SLX4: variants seen among roughly 807,000 people sequenced by gnomAD.
SLX4 encodes SLX4 structure-specific endonuclease subunit, also known as structure-specific endonuclease subunit SLX4.
A neutral mutation model predicts 146.2 loss-of-function variants in SLX4; 112 were observed. That is an observed-to-expected ratio of 0.77 (90% CI 0.66 to 0.90). The LOEUF is 0.90. Among genes scored for constraint, SLX4 ranks in the 40% least tolerant of loss-of-function variants. The pLI, the probability that SLX4 is intolerant of heterozygous loss-of-function variation, is 0.00. For missense variants in SLX4, 2,563 were observed against 2,392.7 expected (o/e 1.07, Z -1.49); for synonymous variants, 1,061 against 997.7 (o/e 1.06, Z -1.20).
In SLX4 at chr16:3,592,881, AAC is replaced by A; in HGVS notation, c.2161-18_2161-17del. On this transcript the variant is annotated splice_polypyrimidine_tract_variant and intron_variant, in intron 10 of 14. Coordinates refer to ENST00000294008, the MANE Select transcript of SLX4 (RefSeq NM_032444.4). ...CATTGTTCACCTGCAGGTGAAATGCAACACAGAGGGTTTACTGATCAGAGAGT... is the reference window on the plus strand; with the variant it reads ...CATTGTTCACCTGCAGGTGAAATGCAACAGAGGGTTTACTGATCAGAGAGT... The A allele has an allele frequency of 6.2e-7, 1 of 1,606,596 alleles. No individual in the cohort carries two copies. Among genetic ancestry groups the A allele is most frequent in the South Asian group, 1.1e-5 (1 of 90,642 alleles).
At chr16:3,592,620 C>G in intron 11 of SLX4, 79 bp downstream of exon 11, 1 of 1,522,832 alleles carries the variant, frequency 6.6e-7, no homozygotes, top group Non-Finnish European at 8.9e-7. Flanking sequence ...GCCCCGAGCC[C>G]TCTGCAGCAC....
rs769249886 is a variant in SLX4 at position 3,589,214 on chromosome 16, G to A, written c.4424C>T (p.Thr1475Ile). The change falls in exon 12 of 15, where the codon ACC becomes ATC. Residue 1475 changes from threonine (T) to isoleucine (I), a missense_variant. By Grantham distance (89) the Thr-to-Ile change is moderately conservative. Coordinates refer to ENST00000294008, the MANE Select transcript of SLX4 (RefSeq NM_032444.4). This position sits in a 1 kb window ranked among gnomAD's most constrained non-coding sequence, Gnocchi z 6.2. ...AGTGCAGCTTCCTCGGATGGGGGTG[G>A]TGTCCAGGAGTCCCGGGGAGCGACA... is the stretch of plus-strand genomic sequence containing the variant. ...RDCRSPGLLDTTPIRGSCTTQ... is the reference protein window; with the variant it reads ...RDCRSPGLLDITPIRGSCTTQ... 6.2e-7 allele frequency: 1 copy of A among 1,611,936 alleles called. No individual in the cohort carries two copies. Among genetic ancestry groups the A allele is most frequent in the Non-Finnish European group, 8.5e-7 (1 of 1,178,194 alleles).
intron 12 of SLX4, among the ~76,000 whole-genome samples, chr16:3,587,955 C>T (rs1015941806): frequency 9.9e-5 from 15 of 152,118 alleles, no homozygotes; most frequent in Admixed American, 1.3e-4. Flanking sequence ...CCGAGGGGGC[C>T]GACACCTGGG....
chr16:3,592,937 G>A (rs567894429), intron 10 of SLX4, 72 bp from the exon 11 acceptor site: 2 of 1,476,980 alleles, frequency 1.4e-6, no homozygotes, highest in Admixed American at 2.2e-5. Context: ...AGACGGTCTG[G>A]GGTGTCCTGC....
At position 3,582,080 on chromosome 16, in the gene SLX4, CTG is replaced by C; in HGVS notation, c.*260_*261del. The C allele has an allele frequency of 5.3e-6, 3 of 562,970 alleles. No individual in the cohort carries two copies. Among genetic ancestry groups the C allele is most frequent in the Non-Finnish European group, 9.5e-6 (3 of 315,922 alleles). 34.9% of individuals were successfully genotyped at this position (562,970 alleles called of 1,614,324 possible). ...AAAGAAAACCAAAAAGGGAGACACACTGTGAGCACGGACAGAGGAAGGGGCTG... is the reference window on the plus strand; with the variant it reads ...AAAGAAAACCAAAAAGGGAGACACACTGAGCACGGACAGAGGAAGGGGCTG... On this transcript the variant is annotated 3_prime_UTR_variant, in exon 15 of 15. Transcript: ENST00000294008.
intron 5 of SLX4, 23 bp from the exon 6 acceptor site, chr16:3,598,022 A>T (rs2151132177): frequency 6.2e-7 from 1 of 1,613,966 alleles, no homozygotes; most frequent in Non-Finnish European, 8.5e-7. Flanking sequence ...CAAAGAGAAA[A>T]GTTACTGGGG....
At chr16:3,607,438 G>A (rs920788863) in intron 2 of SLX4, among the ~76,000 whole-genome samples, 1 of 152,160 alleles carries the variant, frequency 6.6e-6, no homozygotes, top group Non-Finnish European at 1.5e-5. Context: ...TATATGCAAG[G>A]GTAGTTTTCA....
Position 3,596,188 on chromosome 16 carries a change from C to G in SLX4, c.1889G>C (p.Gly630Ala). 6.4e-7 allele frequency: 1 copy of G among 1,551,440 alleles called. No individual in the cohort carries two copies. Among genetic ancestry groups the G allele is most frequent in the Non-Finnish European group, 8.7e-7 (1 of 1,149,948 alleles). The change falls in exon 8 of 15, where the codon GGC (glycine) becomes GCC (alanine). Residue 630 changes from glycine (G) to alanine (A), a missense_variant. Transcript: ENST00000294008. Reference protein sequence around the residue: ...REGLSASPWPGSGGLAGSEGT... With the variant: ...REGLSASPWPASGGLAGSEGT... Reference sequence around the variant, plus strand: ...TTCCGAGCCAGCCAGGCCCCCACTGCCGGGCCACGGGCTGGCGCTCAGTCC... The same window carrying G: ...TTCCGAGCCAGCCAGGCCCCCACTGGCGGGCCACGGGCTGGCGCTCAGTCC...
At chr16:3,598,206 C>T (rs2040687976) in intron 5 of SLX4, among the ~76,000 whole-genome samples, 1 of 152,198 alleles carries the variant, frequency 6.6e-6, no homozygotes, top group African/African-American at 2.4e-5. Flanking sequence ...ACAGGAGGGT[C>T]TGGGTTCCTT....
intron 1 of SLX4, among the ~76,000 whole-genome samples, chr16:3,610,968 A>T (rs2040859328): frequency 6.6e-6 from 1 of 152,182 alleles, no homozygotes; most frequent in Non-Finnish European, 1.5e-5. Flanking sequence ...TTCCACCTCC[A>T]CAACTGTGTT....
intron 2 of SLX4, 137 bp from the exon 3 acceptor site, chr16:3,606,835 G>T: frequency 1.1e-6 from 1 of 878,236 alleles, no homozygotes; most frequent in Non-Finnish European, 1.9e-6. Flanking sequence ...ATGTGAAGAG[G>T]ACTGGTTGCT....
rs774949379 is a variant in SLX4, at chr16:3,582,712, G to A, written c.5154-19C>T. 1 of 1,601,742 alleles carries A rather than the reference G, an allele frequency of 6.2e-7. No individual in the cohort carries two copies. Among genetic ancestry groups the A allele is most frequent in the East Asian group, 2.2e-5 (1 of 44,804 alleles). ...GGAAGAACTGAAAAGAGCCAGACCAGGACGTTGTGCAACCCCTTTCTCTCC... is the reference window on the plus strand; with the variant it reads ...GGAAGAACTGAAAAGAGCCAGACCAAGACGTTGTGCAACCCCTTTCTCTCC... On this transcript the variant is annotated intron_variant, in intron 14 of 14. Transcript: ENST00000294008.
At chr16:3,603,603 C>G (rs2040751931) in intron 3 of SLX4, among the ~76,000 whole-genome samples, 1 of 152,244 alleles carries the variant, frequency 6.6e-6, no homozygotes, top group Non-Finnish European at 1.5e-5. Context: ...TGCCAAGATC[C>G]TGCATACTTA....
At chr16:3,588,933 T>A in intron 12 of SLX4, 69 bp downstream of exon 12, 1 of 1,600,244 alleles carries the variant, frequency 6.2e-7, no homozygotes, top group Admixed American at 1.7e-5. Flanking sequence ...TCATGACTGA[T>A]CTTCCCACCC....
In SLX4 at chr16:3,597,812, T is replaced by C. The variant is rs771565449; in HGVS notation, c.1351A>G (p.Ile451Val). The C allele has an allele frequency of 6.2e-7, 1 of 1,614,156 alleles. No individual in the cohort carries two copies. The highest frequency in any genetic ancestry group is 1.7e-5 in the Admixed American group (1 of 60,024). ...TCACACAAACCTGCTTCTGGTCTTATCCTCTCAGAAAAGGCACTTTCCAGC... is the reference window on the plus strand; with the variant it reads ...TCACACAAACCTGCTTCTGGTCTTACCCTCTCAGAAAAGGCACTTTCCAGC... ...LRLESAFSERIRPEAENKSRK... is the reference protein window; with the variant it reads ...LRLESAFSERVRPEAENKSRK... The change falls in exon 6 of 15, where the codon ATA (isoleucine) becomes GTA (valine). Residue 451 changes from isoleucine to valine, a missense_variant. Ile to Val is a conservative substitution (Grantham distance 29). Transcript: ENST00000294008. The surrounding 1 kb of genome is among the most constrained non-coding windows in gnomAD (Gnocchi z 4.4).
At position 3,583,333 on chromosome 16, in the gene SLX4, T is replaced by A. The variant is rs2040464822; in HGVS notation, c.4917A>T (p.Ala1639=). The A allele has an allele frequency of 6.2e-7, 1 of 1,613,804 alleles. No individual in the cohort carries two copies. The highest frequency in any genetic ancestry group is 8.5e-7 in the Non-Finnish European group (1 of 1,179,932). ...LASQTYKPSR[A]GVHAQQEATT... The stretch of plus-strand genomic sequence containing the variant: ...TGGCCTCCTGCTGGGCATGGACCCC[T>A]GCCCTTGAAGGCTTGTAGGTCTGGG... Residue 1639 remains alanine (A), a synonymous_variant, in exon 14 of 15, where the codon GCA becomes GCT. Coordinates refer to ENST00000294008, the MANE Select transcript of SLX4 (RefSeq NM_032444.4).
Position 3,608,893 on chromosome 16 carries a change from A to AGTG in SLX4, c.71_72insCAC (p.Pro24_Gly25insThr). On this transcript the variant is annotated inframe_insertion, in exon 2 of 15. Coordinates refer to ENST00000294008, the MANE Select transcript of SLX4 (RefSeq NM_032444.4). ...CTTCAGAGGAGCGAGGGTCAATCCC[A>AGTG]GGACAGGCAGACAGATGAGAAAGTG... 6 of 1,614,204 alleles carry AGTG rather than the reference A, an allele frequency of 3.7e-6. No homozygotes were observed. The highest frequency in any genetic ancestry group is 5.1e-6 in the Non-Finnish European group (6 of 1,180,040).
intron 8 of SLX4, 66 bp from the exon 9 acceptor site, chr16:3,595,759 G>A (rs2040645319): frequency 1.9e-6 from 3 of 1,576,250 alleles, no homozygotes; most frequent in African/African-American, 1.3e-5. Context: ...CAAGAAGACA[G>A]CGTTGACCAC....
In SLX4 at chr16:3,590,233, G is replaced by T; in HGVS notation, c.3405C>A (p.Ser1135Arg). The change falls in exon 12 of 15, where the codon AGC (serine) becomes AGA (arginine). Residue 1135 changes from serine (S) to arginine (R), a missense_variant. Coordinates refer to ENST00000294008, the MANE Select transcript of SLX4 (RefSeq NM_032444.4). This position sits in a 1 kb window ranked among gnomAD's most constrained non-coding sequence, Gnocchi z 4.8. ...TGGATGAAGATTTCTGAGATCTGGA[G>T]CTCGAATGGTCAGGATTTGACTGGG... The part of the protein sequence containing the change: ...DLTQSNPDHS[S>R]SRSQKSSSKL... 3 of 1,614,214 alleles carry T rather than the reference G, an allele frequency of 1.9e-6. No individual in the cohort carries two copies. In the South Asian group the frequency reaches 3.3e-5, roughly 18 times the overall value.
Sources: gnomAD v4.1 joint callset for allele counts (sites outside exome capture counted in the v4.1 genomes callset) on GRCh38, gnomAD v4.1.1 for gene constraint, Gnocchi (gnomAD v3.1) non-coding constraint, MANE v1.5 for transcripts, NCBI Gene and HGNC (gene_info 2026-07-23, HGNC 2026-07-21) for gene names.